The following TRPM1 variants were observed in gnomAD, a reference collection of about 807,000 sequenced individuals.
The protein encoded by TRPM1 is TRPM1-203 APA Isoform, Intron 10.
TRPM1 carries 113 observed loss-of-function variants against 149.4 expected under a neutral mutation model. The observed-to-expected ratio is 0.76, with a 90% confidence interval of 0.65 to 0.88. The LOEUF is 0.88. Ranked by LOEUF, TRPM1 falls within the 40% of genes least tolerant of loss-of-function variation. The pLI is 0.00. For missense variants in TRPM1, 1,976 were observed against 2,038.7 expected (o/e 0.97, Z 0.59); for synonymous variants, 741 against 759.5 (o/e 0.98, Z 0.40).
chr15:31,065,855 G>A lies in TRPM1; in HGVS notation c.790+221C>T, dbSNP rs192595541. 1.6e-4 allele frequency among the ~76,000 whole-genome samples: 24 copies of A among 152,316 alleles called. No homozygotes were observed. In the East Asian group the frequency reaches 3.7e-3, roughly 23 times the overall value. ...CATGGCGAGCACTGAGGGTTATTTC[G>A]TGCTAACTTGTGAACCTGGGGCAAA... On this transcript the variant is annotated intron_variant, in intron 7 of 27. Coordinates refer to ENST00000256552, the MANE Select transcript of TRPM1 (RefSeq NM_001252024.2).
In TRPM1 at chr15:31,014,812, T is replaced by C. The variant is rs575791663; in HGVS notation, c.3629+11327A>G. 3.3e-5 allele frequency among the ~76,000 whole-genome samples: 5 copies of C among 152,290 alleles called. No homozygotes were observed. The South Asian group carries it at 1.0e-3, about 32-fold the overall frequency. ...AACTTTATGGCATTACTTTTCCAAG[T>C]TCCCCCTCTCACTATCTCCCTGATA... On this transcript the variant is annotated intron_variant, in intron 27 of 27. Transcript: ENST00000256552.
chr15:31,014,749 C>T (rs942197029), intron 27 of TRPM1, among the ~76,000 whole-genome samples: 1 of 152,194 alleles, frequency 6.6e-6, no homozygotes, highest in East Asian at 1.9e-4. Flanking sequence ...TCCTCCACCC[C>T]TGACAGACAC....
At chr15:31,113,743 G>A (rs1196917865) in intron 1 of TRPM1, among the ~76,000 whole-genome samples, 1 of 152,198 alleles carries the variant, frequency 6.6e-6, no homozygotes, top group Non-Finnish European at 1.5e-5. Context: ...CTTTAAGAAT[G>A]AAGCATGCGG....
intron 1 of TRPM1, among the ~76,000 whole-genome samples, chr15:31,137,256 T>C (rs1033360457): frequency 1.3e-5 from 2 of 152,122 alleles, no homozygotes; most frequent in African/African-American, 4.8e-5. Flanking sequence ...AATGGTGAGG[T>C]CTCAGAGCAA....
intron 1 of TRPM1, among the ~76,000 whole-genome samples, chr15:31,113,553 G>GTT (rs368699771): frequency 0.06 from 8,888 of 147,342 alleles, 452 homozygotes; most frequent in African/African-American, 0.13. Context: ...CTCCTAAAAT[G>GTT]TTTTTTTTTA....
intron 11 of TRPM1, among the ~76,000 whole-genome samples, chr15:31,058,418 C>T (rs1343649888): frequency 2.0e-5 from 3 of 152,216 alleles, no homozygotes; most frequent in Non-Finnish European, 4.4e-5. Flanking sequence ...GGACTACCTT[C>T]CCTTCTCCTT....
intron 1 of TRPM1, among the ~76,000 whole-genome samples, chr15:31,109,479 C>G (rs1012161752): frequency 1.3e-5 from 2 of 151,628 alleles, no homozygotes; most frequent in African/African-American, 4.8e-5. Flanking sequence ...GGTGGATCAC[C>G]TGAGGTCTGG....
rs183800760 is a variant in TRPM1, at chr15:31,124,558, G to T, written c.54+36348C>A. ...AATCCCAGCTACTTGGGAGGCTGAGGCAGGATAATAGATGGAACCCGGGAG... is the reference window on the plus strand; with the variant it reads ...AATCCCAGCTACTTGGGAGGCTGAGTCAGGATAATAGATGGAACCCGGGAG... On this transcript the variant is annotated intron_variant, in intron 1 of 26. Coordinates refer to the TRPM1 transcript ENST00000542188. Among the ~76,000 whole-genome samples, 573 of 151,430 alleles carry T rather than the reference G, an allele frequency of 3.8e-3. 3 individuals are homozygous for T. The highest frequency in any genetic ancestry group is 6.1e-3 in the Non-Finnish European group (416 of 67,926).
intron 4 of TRPM1, chr15:31,069,422 G>A (rs2034470538): frequency 1.0e-6 from 1 of 1,001,196 alleles, no homozygotes; most frequent in Non-Finnish European, 1.2e-6. Context: ...TTTTAACAAT[G>A]ATGTTGGGCC....
intron 2 of TRPM1, among the ~76,000 whole-genome samples, chr15:31,079,193 T>C (rs2034791182): frequency 1.3e-5 from 2 of 152,236 alleles, no homozygotes; most frequent in African/African-American, 2.4e-5. Flanking sequence ...ATATAACATA[T>C]TGCATTAATT....
At chr15:31,091,158 C>T (rs545689310) in intron 1 of TRPM1, among the ~76,000 whole-genome samples, 2 of 152,254 alleles carry the variant, frequency 1.3e-5, no homozygotes, top group East Asian at 1.9e-4. Context: ...CATCCATGGC[C>T]GAGGAAGCAG....
intron 27 of TRPM1, among the ~76,000 whole-genome samples, chr15:31,021,646 T>C (rs1338672245): frequency 2.0e-5 from 3 of 150,008 alleles, no homozygotes; most frequent in African/African-American, 4.9e-5. Flanking sequence ...TAGTGAGCTA[T>C]GATCATCCCA....
At chr15:31,091,132 TTGTC>T (rs1466134677) in intron 1 of TRPM1, among the ~76,000 whole-genome samples, 5 of 152,218 alleles carry the variant, frequency 3.3e-5, no homozygotes. Flanking sequence ...ACTGATGACA[TTGTC>T]TGCAATTCCC....
intron 27 of TRPM1, among the ~76,000 whole-genome samples, chr15:31,010,809 GCTT>G (rs1019348217): frequency 2.0e-5 from 3 of 152,084 alleles, no homozygotes; most frequent in African/African-American, 7.2e-5. Context: ...ATTGGCTAAG[GCTT>G]CTATTTTCTT....
intron 1 of TRPM1, among the ~76,000 whole-genome samples, chr15:31,152,713 G>C (rs540933772): frequency 7.2e-5 from 11 of 152,286 alleles, no homozygotes; most frequent in East Asian, 1.9e-4. Context: ...TGCGATCATG[G>C]CTCGCTGCAG....
chr15:31,041,351 C>T (rs1373333348), intron 17 of TRPM1, among the ~76,000 whole-genome samples: 1 of 152,104 alleles, frequency 6.6e-6, no homozygotes. Flanking sequence ...GGGGTTTCAC[C>T]ATGTTAGCCA....
chr15:31,106,836 T>C (rs2035613897), intron 1 of TRPM1, among the ~76,000 whole-genome samples: 1 of 152,214 alleles, frequency 6.6e-6, no homozygotes, highest in African/African-American at 2.4e-5. Context: ...ATATGAAATT[T>C]GCTTATATTG....
chr15:31,045,012 G>A (rs7174338), intron 16 of TRPM1, among the ~76,000 whole-genome samples: 103,783 of 152,002 alleles, frequency 0.68, 36,146 homozygotes, highest in East Asian at 0.95. Flanking sequence ...ATTATGAAAT[G>A]CACACTTCTA....
At chr15:31,037,426 T>G (rs2033440866) in intron 20 of TRPM1, among the ~76,000 whole-genome samples, 1 of 152,244 alleles carries the variant, frequency 6.6e-6, no homozygotes, top group African/African-American at 2.4e-5. Flanking sequence ...TAAGTTTGTA[T>G]TGCTAAAGGC....
Sources: gnomAD v4.1 joint callset for allele counts (sites outside exome capture counted in the v4.1 genomes callset) on GRCh38, gnomAD v4.1.1 for gene constraint, MANE v1.5 for transcripts, NCBI Gene and HGNC (gene_info 2026-07-23, HGNC 2026-07-21) for gene names.